GADD45GIP1: variants seen among roughly 807,000 people sequenced by gnomAD.
The protein encoded by GADD45GIP1 is large ribosomal subunit protein mL64.
Under a neutral mutation model 22.1 loss-of-function variants are expected in GADD45GIP1, and 17 were observed. The observed-to-expected ratio is 0.77, with a 90% confidence interval of 0.53 to 1.15. The LOEUF is 1.15. Among genes scored for constraint, GADD45GIP1 ranks in the 50% most tolerant of loss-of-function variants. The pLI is 0.00. For synonymous variants in GADD45GIP1, 135 were observed against 138.4 expected, an observed-to-expected ratio of 0.98 and a Z score of 0.17; for missense variants, 294 against 314.0, an observed-to-expected ratio of 0.94 and a Z score of 0.48.
At chr19:12,956,841 G>A in intron 1 of GADD45GIP1, 22 bp downstream of exon 1, 22 of 1,590,244 alleles carry the variant, frequency 1.4e-5, no homozygotes, top group Non-Finnish European at 1.9e-5. Flanking sequence ...GGGCAGCCCC[G>A]CGTCTGCCTG....
At chr19:12,955,606 T>C (rs551919664) in intron 1 of GADD45GIP1, among the ~76,000 whole-genome samples, 6 of 151,696 alleles carry the variant, frequency 4.0e-5, no homozygotes, top group African/African-American at 9.7e-5. Flanking sequence ...ACGCCTGTAA[T>C]CCTAGCACTT....
At chr19:12,955,123 G>C (rs142462872) in intron 1 of GADD45GIP1, among the ~76,000 whole-genome samples, 1,900 of 152,264 alleles carry the variant, frequency 0.012, 10 homozygotes, top group Non-Finnish European at 0.019. Context: ...AAAAGCCCTA[G>C]TGTGTGTTGC....
intron 1 of GADD45GIP1, among the ~76,000 whole-genome samples, chr19:12,955,777 C>T (rs1338375677): frequency 1.3e-5 from 2 of 152,092 alleles, no homozygotes; most frequent in Non-Finnish European, 2.9e-5. Context: ...AGGAGAATCT[C>T]TTGATCCTGG....
rs568534434 is a variant in GADD45GIP1, at chr19:12,953,252, C to A, written c.*956G>T. ...TCTCCCGGGCCAGACAGCTGTCCCC[C>A]CGTCCTCCTCCCCAGCCCAGCCTGC... On this transcript the variant is annotated 3_prime_UTR_variant, in exon 2 of 2. Coordinates refer to ENST00000316939, the MANE Select transcript of GADD45GIP1 (RefSeq NM_052850.4). The A allele has an allele frequency of 1.2e-3, 498 of 419,876 alleles. 6 individuals are homozygous for A. Among genetic ancestry groups the A allele is most frequent in the Admixed American group, 9.0e-4 (22 of 24,412 alleles). 26.0% of individuals were successfully genotyped at this position (419,876 alleles called of 1,614,324 possible).
rs1971934015 is a variant in GADD45GIP1, at chr19:12,957,058, A to AGCT, written c.152_154dup (p.Gln51dup). The stretch of plus-strand genomic sequence containing the variant: ...CTGCTTAGCCGCGTAGCGCGGTCCC[A>AGCT]GCTGCCACCGCGGGGTCAGGAGGTC... On this transcript the variant is annotated inframe_insertion, in exon 1 of 2. Transcript: ENST00000316939. 6.4e-7 allele frequency: 1 copy of AGCT among 1,573,136 alleles called. No individual in the cohort carries two copies. Among genetic ancestry groups the AGCT allele is most frequent in the African/African-American group, 1.4e-5 (1 of 72,890 alleles).
intron 1 of GADD45GIP1, among the ~76,000 whole-genome samples, chr19:12,955,530 C>G (rs994768734): frequency 1.3e-5 from 2 of 152,166 alleles, no homozygotes; most frequent in African/African-American, 4.8e-5. Context: ...GACCTACCCC[C>G]TTCACGCTCC....
intron 1 of GADD45GIP1, among the ~76,000 whole-genome samples, chr19:12,954,906 A>G (rs1010312118): frequency 5.9e-5 from 9 of 152,230 alleles, no homozygotes; most frequent in Non-Finnish European, 5.9e-5. Context: ...GAGTGAAAGC[A>G]AGAAAGACAT....
intron 1 of GADD45GIP1, among the ~76,000 whole-genome samples, chr19:12,955,588 G>A (rs756333356): frequency 4.0e-5 from 6 of 151,374 alleles, no homozygotes; most frequent in East Asian, 2.0e-4. Flanking sequence ...GGCCCGACGC[G>A]GTGGCTCACG....
intron 1 of GADD45GIP1, among the ~76,000 whole-genome samples, chr19:12,955,529 C>A (rs1023814541): frequency 6.6e-6 from 1 of 152,168 alleles, no homozygotes; most frequent in African/African-American, 2.4e-5. Flanking sequence ...TGACCTACCC[C>A]CTTCACGCTC....
At chr19:12,956,624 A>G (rs776144974) in intron 1 of GADD45GIP1, among the ~76,000 whole-genome samples, 4 of 152,252 alleles carry the variant, frequency 2.6e-5, no homozygotes, top group Non-Finnish European at 4.4e-5. Context: ...ACTGCACTCC[A>G]GCCTGGGCAA....
At position 12,953,157 on chromosome 19, in the gene GADD45GIP1, A is replaced by T. The variant is rs1971862797; in HGVS notation, c.*1051T>A. 1.3e-6 allele frequency: 1 copy of T among 782,302 alleles called. No individual in the cohort carries two copies. Among genetic ancestry groups the T allele is most frequent in the Admixed American group, 3.5e-5 (1 of 28,844 alleles). 48.5% of individuals were successfully genotyped at this position (782,302 alleles called of 1,614,324 possible). Reference sequence around the variant, plus strand: ...ATGTTTATTTAAGAAATGGAAAAAAAAATCAAAAATCTTAAAAAAACAAGC... The same window carrying T: ...ATGTTTATTTAAGAAATGGAAAAAATAATCAAAAATCTTAAAAAAACAAGC... On this transcript the variant is annotated 3_prime_UTR_variant, in exon 2 of 2. Coordinates refer to ENST00000316939, the MANE Select transcript of GADD45GIP1 (RefSeq NM_052850.4).
In GADD45GIP1 at chr19:12,956,952, G is replaced by C. The variant is rs768175172; in HGVS notation, c.261C>G (p.Ala87=). The change falls in exon 1 of 2, where the codon GCC becomes GCG. Residue 87 remains alanine (A), a synonymous_variant. Coordinates refer to ENST00000316939, the MANE Select transcript of GADD45GIP1 (RefSeq NM_052850.4). ...PSPEQLRELE[A]EEREWYPSLA... Reference sequence around the variant, plus strand: ...GGCTCGGGTACCATTCGCGTTCTTCGGCCTCCAGCTCCCGCAGCTGCTCCG... The same window carrying C: ...GGCTCGGGTACCATTCGCGTTCTTCCGCCTCCAGCTCCCGCAGCTGCTCCG... 2 of 1,599,346 alleles carry C rather than the reference G, an allele frequency of 1.3e-6. No individual in the cohort carries two copies. The highest frequency in any genetic ancestry group is 1.1e-5 in the South Asian group (1 of 91,044).
In GADD45GIP1 at chr19:12,954,101, AG is replaced by A; in HGVS notation, c.*106del. On this transcript the variant is annotated 3_prime_UTR_variant, in exon 2 of 2. Coordinates refer to ENST00000316939, the MANE Select transcript of GADD45GIP1 (RefSeq NM_052850.4). ...CAAGTGGGGGATTCCCCAGCTCTTA[AG>A]TATTGGGGGAGGAACCAGGGGACCC... 1.0e-6 allele frequency: 1 copy of A among 952,440 alleles called. No individual in the cohort carries two copies. Among genetic ancestry groups the A allele is most frequent in the Non-Finnish European group, 1.6e-6 (1 of 619,524 alleles). The allele number at this position is 952,440 out of a possible 1,614,324, so 59.0% of individuals were successfully genotyped here. A position where few individuals can be genotyped will look rare whatever the true frequency, so the allele number is the denominator to read the frequency against.
At position 12,954,021 on chromosome 19, in the gene GADD45GIP1, T is replaced by C. The variant is rs970128889; in HGVS notation, c.*187A>G. ...TTGTACACCCCCCTTTTCCTCCCAC[T>C]GAAGCCCCAGTTAGTCAGCAGGGCC... On this transcript the variant is annotated 3_prime_UTR_variant, in exon 2 of 2. Transcript: ENST00000316939. 1.3e-5 allele frequency: 8 copies of C among 595,816 alleles called. No homozygotes were observed. The highest frequency in any genetic ancestry group is 2.4e-5 in the Non-Finnish European group (8 of 335,770). 36.9% of individuals were successfully genotyped at this position (595,816 alleles called of 1,614,324 possible). A position where few individuals can be genotyped will look rare whatever the true frequency, so the allele number is the denominator to read the frequency against.
Position 12,954,129 on chromosome 19 carries a change from G to A in GADD45GIP1, c.*79C>T. 7.9e-7 allele frequency: 1 copy of A among 1,260,976 alleles called. No homozygotes were observed. Among genetic ancestry groups the A allele is most frequent in the Non-Finnish European group, 1.1e-6 (1 of 895,522 alleles). 78.1% of individuals were successfully genotyped at this position (1,260,976 alleles called of 1,614,324 possible). ...ATTGGGGGAGGAACCAGGGGACCCA[G>A]AGAGGCACACCTTGAGAGGACGCAG... On this transcript the variant is annotated 3_prime_UTR_variant, in exon 2 of 2. Transcript: ENST00000316939.
Position 12,957,067 on chromosome 19 carries a change from C to A in GADD45GIP1, c.146G>T (p.Arg49Leu), listed in dbSNP as rs1276574798. Residue 49 changes from arginine (R) to leucine (L), a missense_variant, in exon 1 of 2, where the codon CGG (arginine) becomes CTG (leucine). Coordinates refer to ENST00000316939, the MANE Select transcript of GADD45GIP1 (RefSeq NM_052850.4). ...CGCGTAGCGCGGTCCCAGCTGCCAC[C>A]GCGGGGTCAGGAGGTCCTCGGGGTC... Reference protein sequence around the residue: ...WPDPEDLLTPRWQLGPRYAAK... With the variant: ...WPDPEDLLTPLWQLGPRYAAK... 6.4e-7 allele frequency: 1 copy of A among 1,564,762 alleles called. No homozygotes were observed. The highest frequency in any genetic ancestry group is 1.2e-5 in the South Asian group (1 of 86,806).
intron 1 of GADD45GIP1, among the ~76,000 whole-genome samples, chr19:12,955,493 A>G (rs1159365428): frequency 6.6e-6 from 1 of 152,166 alleles, no homozygotes; most frequent in East Asian, 1.9e-4. Flanking sequence ...TAGGAAAACA[A>G]GAAGATTAAA....
intron 1 of GADD45GIP1, among the ~76,000 whole-genome samples, chr19:12,955,855 AAAC>A (rs577995624): frequency 4.2e-4 from 63 of 151,474 alleles, no homozygotes; most frequent in East Asian, 2.3e-3. Flanking sequence ...CTCTGCCTCA[AAAC>A]AACAACAACA....
At chr19:12,954,575 G>A in intron 1 of GADD45GIP1, 49 bp from the exon 2 acceptor site, 1 of 1,509,922 alleles carries the variant, frequency 6.6e-7, no homozygotes, top group Non-Finnish European at 9.0e-7. Flanking sequence ...AGCCAGGGCA[G>A]AGCCCACCCA....
Sources: gnomAD v4.1 joint callset for allele counts (sites outside exome capture counted in the v4.1 genomes callset) on GRCh38, gnomAD v4.1.1 for gene constraint, MANE v1.5 for transcripts, NCBI Gene and HGNC (gene_info 2026-07-23, HGNC 2026-07-21) for gene names.